TOP1: variants seen among roughly 807,000 people sequenced by gnomAD.
The protein encoded by TOP1 is DNA topoisomerase I, also known as DNA topoisomerase 1.
In TOP1, 10 loss-of-function variants were observed where a neutral mutation model predicts 111.1. That is an observed-to-expected ratio of 0.09 (90% confidence interval 0.06 to 0.15). TOP1 has a LOEUF of 0.15. Ranked by LOEUF, TOP1 falls within the 10% of genes least tolerant of loss-of-function variation. TOP1 has a pLI of 1.00. For missense variants in TOP1, 474 were observed against 926.7 expected (o/e 0.51, Z 6.34); for synonymous variants, 271 against 302.9 (o/e 0.89, Z 1.10).
chr20:41,052,846 T>A (rs766214641), intron 2 of TOP1, among the ~76,000 whole-genome samples: 6 of 152,044 alleles, frequency 3.9e-5, no homozygotes, highest in Non-Finnish European at 8.8e-5. Flanking sequence ...AAAAATTAGC[T>A]GGCCATGATG....
intron 5 of TOP1, among the ~76,000 whole-genome samples, chr20:41,077,947 CA>C (rs1429093799): frequency 1.2e-4 from 15 of 120,754 alleles, no homozygotes; most frequent in Admixed American, 2.7e-4. Context: ...TACAGTGTAC[CA>C]TTTTTTTTTT....
chr20:41,121,857 TG>T lies in TOP1; in HGVS notation c.2045+71del. The T allele has an allele frequency of 6.5e-7, 1 of 1,542,506 alleles. No homozygotes were observed. The highest frequency in any genetic ancestry group is 8.9e-7 in the Non-Finnish European group (1 of 1,120,944). ...AGTGTGCAGCATCTGTCAGGGCCCC[TG>T]GGGCCCTGGCTTTTCGATGGTTTCT... On this transcript the variant is annotated intron_variant, in intron 19 of 20. Transcript: ENST00000361337. The surrounding 1 kb of genome is among the most constrained non-coding windows in gnomAD (Gnocchi z 4.2).
At position 41,094,946 on chromosome 20, in the gene TOP1, C is replaced by CA. The variant is rs1269817665; in HGVS notation, c.731-2273dup. The stretch of plus-strand genomic sequence containing the variant: ...ACTCTGATGCAGGGAGCCATCATTT[C>CA]ATCTTTTGACAGCTCATCTAAAATA... On this transcript the variant is annotated intron_variant, in intron 9 of 20. Coordinates refer to ENST00000361337, the MANE Select transcript of TOP1 (RefSeq NM_003286.4). The surrounding 1 kb of genome is among the most constrained non-coding windows in gnomAD (Gnocchi z 4.4). Among the ~76,000 whole-genome samples the CA allele has an allele frequency of 6.6e-6, 1 of 152,222 alleles. No homozygotes were observed.
rs936575604 is a variant in TOP1 at position 41,080,829 on chromosome 20, A to G, written c.432-336A>G. On this transcript the variant is annotated intron_variant, in intron 6 of 20. Coordinates refer to ENST00000361337, the MANE Select transcript of TOP1 (RefSeq NM_003286.4). This position sits in a 1 kb window ranked among gnomAD's most constrained non-coding sequence, Gnocchi z 5.0. ...TAGTGTGCTGTGTGTTTGGTTCCCA[A>G]ACTTTCATCTTTTATTTTTATTTAT... is the stretch of plus-strand genomic sequence containing the variant. Among the ~76,000 whole-genome samples the G allele has an allele frequency of 2.6e-5, 4 of 152,106 alleles. No individual in the cohort carries two copies. In the South Asian group the frequency reaches 8.3e-4, roughly 31 times the overall value.
chr20:41,095,306 A>C lies in TOP1; in HGVS notation c.731-1914A>C, dbSNP rs930356902. Among the ~76,000 whole-genome samples the C allele has an allele frequency of 2.0e-5, 3 of 152,184 alleles. No homozygotes were observed. The highest frequency in any genetic ancestry group is 4.4e-5 in the Non-Finnish European group (3 of 68,016). On this transcript the variant is annotated intron_variant, in intron 9 of 20. Transcript: ENST00000361337. The surrounding 1 kb of genome is among the most constrained non-coding windows in gnomAD (Gnocchi z 4.6). Reference sequence around the variant, plus strand: ...TGAAGTGATCCTTGCACCGCCTCCTAAAGTGCTGGGATTACAGATGTGAAC... The same window carrying C: ...TGAAGTGATCCTTGCACCGCCTCCTCAAGTGCTGGGATTACAGATGTGAAC...
At chr20:41,113,443 A>C (rs762362453) in intron 14 of TOP1, among the ~76,000 whole-genome samples, 1 of 152,104 alleles carries the variant, frequency 6.6e-6, no homozygotes, top group Non-Finnish European at 1.5e-5. Flanking sequence ...AGGAGCATGA[A>C]TATTTAACAT....
At position 41,034,719 on chromosome 20, in the gene TOP1, T is replaced by G. The variant is rs777668149; in HGVS notation, c.58+5264T>G. ...GGAGAGAAGTGATGTTACTGGTATC[T>G]CATGCATATCTCTGGAGTATATAGA... is the stretch of plus-strand genomic sequence containing the variant. On this transcript the variant is annotated intron_variant, in intron 2 of 20. Transcript: ENST00000361337. The surrounding 1 kb of genome is among the most constrained non-coding windows in gnomAD (Gnocchi z 4.0). Among the ~76,000 whole-genome samples, 1 of 152,210 alleles carries G rather than the reference T, an allele frequency of 6.6e-6. No individual in the cohort carries two copies. Among genetic ancestry groups the G allele is most frequent in the Non-Finnish European group, 1.5e-5 (1 of 68,038 alleles).
rs1220670270 is a variant in TOP1, at chr20:41,116,704, G to A, written c.1822+312G>A. ...AAGCCCACAGAGTGAAGACAGTGCT[G>A]TGATGTTCTGTTAAATTGGAGAGAG... On this transcript the variant is annotated intron_variant, in intron 17 of 20. Coordinates refer to ENST00000361337, the MANE Select transcript of TOP1 (RefSeq NM_003286.4). The surrounding 1 kb of genome is among the most constrained non-coding windows in gnomAD (Gnocchi z 5.6). Among the ~76,000 whole-genome samples, 5 of 152,192 alleles carry A rather than the reference G, an allele frequency of 3.3e-5. No individual in the cohort carries two copies. The highest frequency in any genetic ancestry group is 2.1e-4 in the South Asian group (1 of 4,830).
intron 3 of TOP1, among the ~76,000 whole-genome samples, chr20:41,073,797 A>G (rs779164882): frequency 6.6e-6 from 1 of 152,216 alleles, no homozygotes; most frequent in Non-Finnish European, 1.5e-5. Flanking sequence ...AATACCAAGT[A>G]CAATGCTTGC....
chr20:41,081,304 A>G (rs776206972), intron 7 of TOP1, 64 bp downstream of exon 7: 375 of 1,521,512 alleles, frequency 2.5e-4, no homozygotes, highest in Non-Finnish European at 3.1e-4. Context: ...CCAGTAAGCA[A>G]CTTCTTAAGA....
At chr20:41,104,627 G>C (rs2034117340) in intron 13 of TOP1, among the ~76,000 whole-genome samples, 1 of 152,204 alleles carries the variant, frequency 6.6e-6, no homozygotes. Flanking sequence ...GATGATCATG[G>C]TAGTGAACCT....
At chr20:41,108,969 C>T (rs548132468) in intron 13 of TOP1, among the ~76,000 whole-genome samples, 1 of 152,304 alleles carries the variant, frequency 6.6e-6, no homozygotes, top group South Asian at 2.1e-4. Context: ...CAGAATTTAT[C>T]ATCATGATTT....
chr20:41,080,157 A>G lies in TOP1; in HGVS notation c.408A>G (p.Leu136=), dbSNP rs778733404. The change falls in exon 6 of 21, where the codon TTA becomes TTG. Residue 136 remains leucine, a synonymous_variant. Coordinates refer to ENST00000361337, the MANE Select transcript of TOP1 (RefSeq NM_003286.4). This position sits in a 1 kb window ranked among gnomAD's most constrained non-coding sequence, Gnocchi z 5.0. ...CTCCTAAAGAGGATATAAAGCCATT[A>G]AAGAGACCTCGAGATGAGGATGAGT... ...FVPPKEDIKP[L]KRPRDEDDAD... 2 of 1,606,678 alleles carry G rather than the reference A, an allele frequency of 1.2e-6. No homozygotes were observed. The highest frequency in any genetic ancestry group is 2.2e-5 in the South Asian group (2 of 90,044).
At chr20:41,063,094 T>A (rs1157691710) in intron 3 of TOP1, among the ~76,000 whole-genome samples, 1 of 152,198 alleles carries the variant, frequency 6.6e-6, no homozygotes, top group African/African-American at 2.4e-5. Context: ...CTTACCGCCC[T>A]CTCTGCTCTA....
intron 2 of TOP1, among the ~76,000 whole-genome samples, chr20:41,051,713 C>G (rs977705254): frequency 2.6e-5 from 4 of 151,864 alleles, no homozygotes; most frequent in Admixed American, 6.6e-5. Flanking sequence ...AAGTGCTTTT[C>G]TTTCCTGGAT....
intron 8 of TOP1, among the ~76,000 whole-genome samples, chr20:41,089,020 C>CTTTTTTTTTCTTTTTTT (rs2033883711): frequency 1.3e-5 from 1 of 77,926 alleles, no homozygotes; most frequent in African/African-American, 6.3e-5. Flanking sequence ...TGCCCCAGTT[C>CTTTTTTTTTCTTTTTTT]TTTTTTTTTT....
intron 2 of TOP1, among the ~76,000 whole-genome samples, chr20:41,038,047 T>C (rs958078310): frequency 1.1e-4 from 17 of 152,236 alleles, no homozygotes; most frequent in African/African-American, 3.6e-4. Flanking sequence ...TGTAGCTCCA[T>C]TGCCCTCAGT....
intron 3 of TOP1, among the ~76,000 whole-genome samples, chr20:41,062,719 A>G (rs1050285983): frequency 6.6e-6 from 1 of 152,244 alleles, no homozygotes; most frequent in African/African-American, 2.4e-5. Context: ...AAATACATGA[A>G]GTAAATCTGA....
rs1034216605 is a variant in TOP1, at chr20:41,101,987, A to G, written c.1308+634A>G. On this transcript the variant is annotated intron_variant, in intron 13 of 20. Transcript: ENST00000361337. This position sits in a 1 kb window ranked among gnomAD's most constrained non-coding sequence, Gnocchi z 4.1. ...ATCAGTTTTTGTTTGCCAGATAGCT[A>G]TGTATATCTAGCTTTGGAGAGTCCC... Among the ~76,000 whole-genome samples the G allele has an allele frequency of 6.6e-6, 1 of 152,348 alleles. No individual in the cohort carries two copies. The highest frequency in any genetic ancestry group is 1.9e-4 in the East Asian group (1 of 5,186).
Sources: allele counts gnomAD v4.1 joint callset (sites outside exome capture counted in the v4.1 genomes callset), GRCh38; gene constraint gnomAD v4.1.1; non-coding constraint Gnocchi (gnomAD v3.1); transcripts MANE v1.5; gene names NCBI Gene and HGNC (gene_info 2026-07-23, HGNC 2026-07-21).